The following CCSER1 variants were observed in gnomAD, a reference collection of about 807,000 sequenced individuals.
CCSER1 encodes serine-rich coiled-coil domain-containing protein 1.
Under a neutral mutation model 82.0 loss-of-function variants are expected in CCSER1, and 41 were observed. The observed-to-expected ratio is 0.50, with a 90% CI of 0.39 to 0.65. The LOEUF (loss-of-function observed/expected upper bound fraction) is 0.65. Ranked by LOEUF, CCSER1 falls within the 30% of genes least tolerant of loss-of-function variation. CCSER1 has a pLI of 0.00. For missense variants in CCSER1, 1,119 were observed against 1,064.2 expected, an observed-to-expected ratio of 1.05 and a Z score of -0.72; for synonymous variants, 414 against 383.9, an observed-to-expected ratio of 1.08 and a Z score of -0.92.
chr4:90,779,971 T>C (rs763958617), intron 7 of CCSER1, among the ~76,000 whole-genome samples: 3 of 152,232 alleles, frequency 2.0e-5, no homozygotes, highest in Non-Finnish European at 2.9e-5. Context: ...ATTTAAATTA[T>C]TCTTTAAATA....
chr4:90,494,144 G>A (rs201143489), intron 5 of CCSER1, among the ~76,000 whole-genome samples: 4 of 152,014 alleles, frequency 2.6e-5, no homozygotes, highest in East Asian at 1.9e-4. Context: ...ACTTTAAACC[G>A]ACAAAGGTCA....
intron 1 of CCSER1, among the ~76,000 whole-genome samples, chr4:90,270,719 G>T (rs1477294016): frequency 1.3e-5 from 2 of 152,022 alleles, no homozygotes; most frequent in Non-Finnish European, 2.9e-5. Context: ...GTTTGCAGAT[G>T]ATATGATCTT....
intron 10 of CCSER1, among the ~76,000 whole-genome samples, chr4:91,547,909 G>A (rs1160175105): frequency 1.3e-5 from 2 of 151,894 alleles, no homozygotes; most frequent in Admixed American, 6.6e-5. Context: ...AGTCTCCCAC[G>A]TAGCTGGGAT....
chr4:90,491,023 G>A (rs866080411), intron 5 of CCSER1, among the ~76,000 whole-genome samples: 3 of 151,992 alleles, frequency 2.0e-5, no homozygotes, highest in African/African-American at 4.8e-5. Flanking sequence ...TGGTTCCATA[G>A]GAACTTTAAA....
intron 7 of CCSER1, among the ~76,000 whole-genome samples, chr4:90,766,805 C>A (rs935019823): frequency 6.6e-6 from 1 of 152,006 alleles, no homozygotes; most frequent in Non-Finnish European, 1.5e-5. Flanking sequence ...CATATTTTCT[C>A]TCCATTGATA....
At chr4:91,377,619 G>C (rs910592316) in intron 10 of CCSER1, among the ~76,000 whole-genome samples, 1 of 152,078 alleles carries the variant, frequency 6.6e-6, no homozygotes, top group African/African-American at 2.4e-5. Flanking sequence ...TTGTAAATTT[G>C]TTTGAGTTCT....
At chr4:91,092,467 C>T (rs1724063365) in intron 10 of CCSER1, among the ~76,000 whole-genome samples, 1 of 152,204 alleles carries the variant, frequency 6.6e-6, no homozygotes, top group African/African-American at 2.4e-5. Flanking sequence ...TCAAAGGGAG[C>T]TGCTCCATAG....
chr4:90,480,306 A>T (rs1765742536), intron 5 of CCSER1, among the ~76,000 whole-genome samples: 1 of 151,766 alleles, frequency 6.6e-6, no homozygotes, highest in South Asian at 2.1e-4. Context: ...GGTTGCAAAA[A>T]TTTTCTCCCA....
At chr4:90,292,321 G>A (rs1327791614) in intron 1 of CCSER1, among the ~76,000 whole-genome samples, 2 of 151,896 alleles carry the variant, frequency 1.3e-5, no homozygotes, top group Non-Finnish European at 2.9e-5. Context: ...ATATATGTGT[G>A]TATGTATATT....
intron 5 of CCSER1, among the ~76,000 whole-genome samples, chr4:90,505,096 G>C (rs1281842727): frequency 6.6e-6 from 1 of 152,168 alleles, no homozygotes; most frequent in Non-Finnish European, 1.5e-5. Context: ...TGCCCAAATA[G>C]GTAAAGCAAA....
intron 5 of CCSER1, among the ~76,000 whole-genome samples, chr4:90,491,633 G>A (rs563134988): frequency 6.6e-6 from 1 of 152,238 alleles, no homozygotes; most frequent in African/African-American, 2.4e-5. Flanking sequence ...TGGCCATTCA[G>A]TATGATATTG....
rs572746730 is a variant in CCSER1 at position 91,137,069 on chromosome 4, G to A, written c.2217+51075G>A. Among the ~76,000 whole-genome samples, 665 of 146,704 alleles carry A rather than the reference G, an allele frequency of 4.5e-3. 8 individuals are homozygous for A. Among genetic ancestry groups the A allele is most frequent in the African/African-American group, 0.015 (614 of 40,026 alleles). On this transcript the variant is annotated intron_variant, in intron 10 of 10. Coordinates refer to ENST00000509176, the MANE Select transcript of CCSER1 (RefSeq NM_001145065.2). ...GTACATGTGCACATTGTGCAGGTTAGTTACATATGTATACATGGGCCATGC... is the reference window on the plus strand; with the variant it reads ...GTACATGTGCACATTGTGCAGGTTAATTACATATGTATACATGGGCCATGC...
intron 5 of CCSER1, among the ~76,000 whole-genome samples, chr4:90,596,135 T>C (rs1439343741): frequency 6.6e-6 from 1 of 151,922 alleles, no homozygotes; most frequent in Non-Finnish European, 1.5e-5. Flanking sequence ...AGAACTACTT[T>C]GGAAACAAAA....
intron 10 of CCSER1, among the ~76,000 whole-genome samples, chr4:91,374,907 A>G (rs951652581): frequency 6.6e-6 from 1 of 152,110 alleles, no homozygotes; most frequent in East Asian, 1.9e-4. Flanking sequence ...GATGCTGGAG[A>G]ATTGCTTGAA....
At chr4:91,130,172 A>AT (rs1257847501) in intron 10 of CCSER1, 3 of 151,976 alleles carry the variant, frequency 2.0e-5, no homozygotes, top group Non-Finnish European at 4.4e-5. Context: ...CAATTAAAAT[A>AT]ATTATCAGAC....
chr4:90,290,251 A>G (rs1730661255), intron 1 of CCSER1, among the ~76,000 whole-genome samples: 1 of 151,918 alleles, frequency 6.6e-6, no homozygotes. Flanking sequence ...TGTGCAGAAG[A>G]AAGTTAAAAT....
At chr4:91,341,501 A>G (rs1381025773) in intron 10 of CCSER1, among the ~76,000 whole-genome samples, 1 of 152,184 alleles carries the variant, frequency 6.6e-6, no homozygotes, top group African/African-American at 2.4e-5. Context: ...GCACTTTAAC[A>G]TTTAGCATGT....
At chr4:91,468,988 G>C (rs997943506) in intron 10 of CCSER1, among the ~76,000 whole-genome samples, 16 of 152,088 alleles carry the variant, frequency 1.1e-4, no homozygotes, top group African/African-American at 3.1e-4. Flanking sequence ...TTGCCTTCCA[G>C]ATCTTACAGT....
In CCSER1 at chr4:91,249,165, G is replaced by T. The variant is rs534405777; in HGVS notation, c.2217+163171G>T. 4.6e-4 allele frequency among the ~76,000 whole-genome samples: 70 copies of T among 152,180 alleles called. No homozygotes were observed. The South Asian group carries it at 0.013, about 28-fold the overall frequency. On this transcript the variant is annotated intron_variant, in intron 10 of 10. Coordinates refer to ENST00000509176, the MANE Select transcript of CCSER1 (RefSeq NM_001145065.2). ...AAAATAAAACATCTGAAAATTCGGG[G>T]TGTAGTTTTATATTTTTTCTAAAAT...
Sources: allele counts gnomAD v4.1 joint callset (sites outside exome capture counted in the v4.1 genomes callset), GRCh38; gene constraint gnomAD v4.1.1; transcripts MANE v1.5; gene names NCBI Gene and HGNC (gene_info 2026-07-23, HGNC 2026-07-21).